The following ZNF43 variants were observed in gnomAD, a reference collection of about 807,000 sequenced individuals.
ZNF43 encodes zinc finger protein 39-like 1 (KOX 27).
In ZNF43, 44 loss-of-function variants were observed where a neutral mutation model predicts 68.4. The observed-to-expected ratio is 0.64, with a 90% confidence interval of 0.51 to 0.83. ZNF43 has a LOEUF of 0.83. Ranked by LOEUF, ZNF43 falls within the 40% of genes least tolerant of loss-of-function variation. ZNF43 has a pLI of 0.00. For synonymous variants in ZNF43, 308 were observed against 307.8 expected (o/e 1.00, Z -0.01); for missense variants, 896 against 933.2 (o/e 0.96, Z 0.52).
At chr19:21,833,545 T>C (rs113716115) in intron 1 of ZNF43, among the ~76,000 whole-genome samples, 7,549 of 151,752 alleles carry the variant, frequency 0.05, 404 homozygotes, top group African/African-American at 0.14. Context: ...GTTGGGATTA[T>C]AGGCATGAGC....
At chr19:21,838,714 C>T (rs1271110574), upstream of ZNF43, 1 of 152,052 alleles carries the variant, frequency 6.6e-6, no homozygotes, top group Non-Finnish European at 1.5e-5. Context: ...ATAGCCCATC[C>T]TAATTTAATT....
intron 1 of ZNF43, among the ~76,000 whole-genome samples, chr19:21,843,582 G>A (rs1375901488): frequency 6.6e-6 from 1 of 152,108 alleles, no homozygotes; most frequent in Non-Finnish European, 1.5e-5. Context: ...CTGAGGTCAG[G>A]AGTAGAGACC....
At chr19:21,819,034 C>T in intron 2 of ZNF43, 61 bp downstream of exon 2, 3 of 1,558,742 alleles carry the variant, frequency 1.9e-6, no homozygotes, top group Non-Finnish European at 2.6e-6. Context: ...AAACAGTCTA[C>T]AGAAAACAAA....
At position 21,819,207 on chromosome 19, in the gene ZNF43, A is replaced by G. The variant is rs1376235167; in HGVS notation, c.18T>C (p.Phe6=). ...GACAGAATTCTATGGCCACATCCAT[A>G]AATGTCAATGGTCCCTAAAAAAAAC... MGPLT[F]MDVAIEFCLE... is the part of the protein sequence containing the mutation. Residue 6 remains phenylalanine, a synonymous_variant, in exon 2 of 4, where the codon TTT becomes TTC. Transcript: ENST00000354959. 1 of 1,599,868 alleles carries G rather than the reference A, an allele frequency of 6.3e-7. No homozygotes were observed. The highest frequency in any genetic ancestry group is 1.4e-5 in the African/African-American group (1 of 74,012).
intron 1 of ZNF43, among the ~76,000 whole-genome samples, chr19:21,831,075 G>C (rs917397469): frequency 2.0e-5 from 3 of 152,054 alleles, no homozygotes; most frequent in Non-Finnish European, 4.4e-5. Flanking sequence ...AACCCTCAAC[G>C]AACTAGGCAT....
chr19:21,842,554 T>A (rs1340527623), intron 1 of ZNF43, among the ~76,000 whole-genome samples: 1 of 151,882 alleles, frequency 6.6e-6, no homozygotes, highest in Non-Finnish European at 1.5e-5. Context: ...TGCAGCACAG[T>A]CACCTCATCT....
chr19:21,849,637 C>G (rs1968205998), intron 1 of ZNF43, among the ~76,000 whole-genome samples: 1 of 150,758 alleles, frequency 6.6e-6, no homozygotes, highest in Non-Finnish European at 1.5e-5. Context: ...TGGCAAAATC[C>G]TATCTCTACT....
rs1206034956 is a variant in ZNF43, at chr19:21,806,606, G to T, written c.*1001C>A. 6.6e-6 allele frequency: 1 copy of T among 152,096 alleles called. No individual in the cohort carries two copies. Among genetic ancestry groups the T allele is most frequent in the African/African-American group, 2.4e-5 (1 of 41,406 alleles). 9.4% of individuals were successfully genotyped at this position (152,096 alleles called of 1,614,324 possible). A position where few individuals can be genotyped will look rare whatever the true frequency, so the allele number is the denominator to read the frequency against. On this transcript the variant is annotated 3_prime_UTR_variant, in exon 4 of 4. Transcript: ENST00000354959. The stretch of plus-strand genomic sequence containing the variant: ...TGTGAATATAGCAGGAATGAAAAAA[G>T]AGCATAAAGTTATTTGAGAGTTTAA...
chr19:21,850,179 T>A (rs1457741617), intron 1 of ZNF43, among the ~76,000 whole-genome samples: 1 of 152,032 alleles, frequency 6.6e-6, no homozygotes, highest in Non-Finnish European at 1.5e-5. Context: ...TAAGTCAAAA[T>A]TTTTCCTGTA....
At chr19:21,824,228 C>T (rs2037998329) in intron 1 of ZNF43, among the ~76,000 whole-genome samples, 1 of 152,094 alleles carries the variant, frequency 6.6e-6, no homozygotes. Context: ...CCAGAACCTG[C>T]ATCACCTGTC....
At position 21,851,912 on chromosome 19, in the gene ZNF43, C is replaced by A. The variant is rs182177045; in HGVS notation, c.23G>T (p.Trp8Leu). 1,286 of 1,580,782 alleles carry A rather than the reference C, an allele frequency of 8.1e-4. 4 individuals are homozygous for A. In the African/African-American group the frequency reaches 0.012, roughly 15 times the overall value. The stretch of plus-strand genomic sequence containing the variant: ...CTAACCCCGCACACTCACCATTTCC[C>A]AGCTTCCAGGATGTCCGGGCATCTT... Residue 8 changes from tryptophan (W) to leucine (L), a missense_variant, in exon 1 of 4, where the codon TGG (tryptophan) becomes TTG (leucine). Physicochemically the swap from Trp to Leu is moderately conservative, Grantham distance 61. Transcript: ENST00000357491.
chr19:21,835,564 C>G (rs2038677690), intron 1 of ZNF43, among the ~76,000 whole-genome samples: 1 of 151,754 alleles, frequency 6.6e-6, no homozygotes, highest in African/African-American at 2.4e-5. Flanking sequence ...ACCATATTAG[C>G]CAGGCTGCTC....
Position 21,806,125 on chromosome 19 carries a change from A to C in ZNF43, c.*1482T>G, listed in dbSNP as rs1302639053. The stretch of plus-strand genomic sequence containing the variant: ...CTATCTCCTGCATCACTCCTTTATA[A>C]GTTAACCACAAAGAGCCTCTCCAGT... On this transcript the variant is annotated 3_prime_UTR_variant, in exon 4 of 4. Transcript: ENST00000354959. The C allele has an allele frequency of 1.3e-5, 2 of 151,858 alleles. No individual in the cohort carries two copies. Among genetic ancestry groups the C allele is most frequent in the Admixed American group, 1.3e-4 (2 of 15,234 alleles). The allele number at this position is 151,858 out of a possible 1,614,324, so 9.4% of individuals were successfully genotyped here. A position where few individuals can be genotyped will look rare whatever the true frequency, so the allele number is the denominator to read the frequency against.
At position 21,809,359 on chromosome 19, in the gene ZNF43, T is replaced by C. The variant is rs755094731; in HGVS notation, c.678A>G (p.Gly226=). 5.8e-5 allele frequency: 94 copies of C among 1,613,758 alleles called. No individual in the cohort carries two copies. Among genetic ancestry groups the C allele is most frequent in the Non-Finnish European group, 2.5e-6 (3 of 1,179,924 alleles). ...IITKHKRINT[G]EKPYTCEECG... is the part of the protein sequence containing the mutation. ...ATTCTTCACATGTGTAGGGTTTCTC[T>C]CCAGTATTAATTCTCTTATGTTTAG... Residue 226 remains glycine (G), a synonymous_variant, in exon 4 of 4, where the codon GGA becomes GGG. Coordinates refer to ENST00000354959, the MANE Select transcript of ZNF43 (RefSeq NM_003423.4).
In ZNF43 at chr19:21,818,968, A is replaced by G. The variant is rs935492879; in HGVS notation, c.130+127T>C. The G allele has an allele frequency of 1.2e-4, 164 of 1,365,034 alleles. 1 individual carries two copies. The highest frequency in any genetic ancestry group is 2.6e-5 in the Admixed American group (1 of 37,806). The allele number at this position is 1,365,034 out of a possible 1,614,324, so 84.6% of individuals were successfully genotyped here. A position where few individuals can be genotyped will look rare whatever the true frequency, so the allele number is the denominator to read the frequency against. On this transcript the variant is annotated intron_variant, in intron 2 of 3. Coordinates refer to ENST00000354959, the MANE Select transcript of ZNF43 (RefSeq NM_003423.4). ...TTCTTTAGTGCGCCAACAAATCCCA[A>G]TTTTTTTGAAAACAGGAATCTGAAA...
At chr19:21,847,881 T>C (rs934583478) in intron 1 of ZNF43, among the ~76,000 whole-genome samples, 7 of 152,184 alleles carry the variant, frequency 4.6e-5, no homozygotes, top group African/African-American at 1.7e-4. Context: ...TCACCCAGGC[T>C]GGAGTGTAGT....
chr19:21,830,617 T>A (rs1280773590), intron 1 of ZNF43, among the ~76,000 whole-genome samples: 1 of 130,708 alleles, frequency 7.7e-6, no homozygotes, highest in South Asian at 2.4e-4. Flanking sequence ...GTATAATAAA[T>A]AGCCTAGAAA....
intron 1 of ZNF43, among the ~76,000 whole-genome samples, chr19:21,820,253 T>TA (rs2037750174): frequency 6.8e-6 from 1 of 147,166 alleles, no homozygotes; most frequent in African/African-American, 2.5e-5. Flanking sequence ...TATTAATATA[T>TA]TTTATATATA....
At chr19:21,809,878 T>G (rs750653727) in intron 3 of ZNF43, 71 bp from the exon 4 acceptor site, 5 of 1,383,464 alleles carry the variant, frequency 3.6e-6, no homozygotes, top group Non-Finnish European at 4.8e-6. Flanking sequence ...ATGTAACATA[T>G]AAAATCACAC....
Sources: allele counts gnomAD v4.1 joint callset (sites outside exome capture counted in the v4.1 genomes callset), GRCh38; gene constraint gnomAD v4.1.1; transcripts MANE v1.5; gene names NCBI Gene and HGNC (gene_info 2026-07-23, HGNC 2026-07-21).